The following CSGALNACT1 variants were observed in gnomAD, a reference collection of about 807,000 sequenced individuals.
CSGALNACT1 encodes the protein beta4GalNAcT-1.
Under a neutral mutation model 51.0 loss-of-function variants are expected in CSGALNACT1, and 52 were observed. That is an observed-to-expected ratio of 1.02 (90% CI 0.82 to 1.29). The LOEUF (loss-of-function observed/expected upper bound fraction) is 1.29. CSGALNACT1 is among the 50% of genes most tolerant of loss of function. CSGALNACT1 has a pLI of 0.00. For synonymous variants in CSGALNACT1, 341 were observed against 254.4 expected (o/e 1.34, Z -3.24); for missense variants, 935 against 679.2 (o/e 1.38, Z -4.19).
At chr8:19,691,468 T>C (rs1165722803) in intron 1 of CSGALNACT1, among the ~76,000 whole-genome samples, 1 of 152,152 alleles carries the variant, frequency 6.6e-6, no homozygotes, top group Non-Finnish European at 1.5e-5. Flanking sequence ...TGCCTTCTCA[T>C]TAGAAAAGAA....
intron 4 of CSGALNACT1, among the ~76,000 whole-genome samples, chr8:19,476,969 T>C (rs2069849855): frequency 6.6e-6 from 1 of 152,204 alleles, no homozygotes; most frequent in South Asian, 2.1e-4. Flanking sequence ...GTGTCCTTTC[T>C]GAATTCCTGA....
intron 3 of CSGALNACT1, among the ~76,000 whole-genome samples, chr8:19,544,967 AC>A (rs1030238047): frequency 7.2e-5 from 11 of 152,078 alleles, no homozygotes; most frequent in Non-Finnish European, 1.6e-4. Context: ...AAAAATGGGA[AC>A]CAGGGGAGAA....
At chr8:19,432,534 C>T (rs1460692536) in intron 6 of CSGALNACT1, among the ~76,000 whole-genome samples, 1 of 152,102 alleles carries the variant, frequency 6.6e-6, no homozygotes, top group Non-Finnish European at 1.5e-5. Context: ...TTCTCTATCC[C>T]CTTCTTGACT....
exon 5 of CSGALNACT1, chr8:19,458,615 C>T (rs979272047): frequency 1.2e-5 from 19 of 1,614,086 alleles, no homozygotes; most frequent in Non-Finnish European, 1.6e-5. Flanking sequence ...ATACAATGTC[C>T]CTTTGTCCCT....
intron 4 of CSGALNACT1, among the ~76,000 whole-genome samples, chr8:19,467,683 A>G (rs1177634252): frequency 6.6e-6 from 1 of 151,924 alleles, no homozygotes; most frequent in East Asian, 1.9e-4. Flanking sequence ...ATTGTATTCT[A>G]TATCAGAGAT....
intron 3 of CSGALNACT1, among the ~76,000 whole-genome samples, chr8:19,562,651 T>C (rs137880467): frequency 6.6e-6 from 1 of 152,278 alleles, no homozygotes; most frequent in East Asian, 1.9e-4. Context: ...CAGACACTTT[T>C]CAAAGAAGAC....
intron 5 of CSGALNACT1, among the ~76,000 whole-genome samples, chr8:19,444,113 T>C (rs1488182227): frequency 2.0e-5 from 3 of 152,208 alleles, no homozygotes; most frequent in African/African-American, 7.2e-5. Flanking sequence ...GCCTAGTTCC[T>C]AACAGGCCAC....
rs60746708 is a variant in CSGALNACT1, at chr8:19,407,905, T to TTGTGTGTG, written c.1309+700_1309+707dup. Among the ~76,000 whole-genome samples the TTGTGTGTG allele has an allele frequency of 1.1e-3, 128 of 112,786 alleles. 1 individual carries two copies. Among genetic ancestry groups the TTGTGTGTG allele is most frequent in the African/African-American group, 3.9e-3 (123 of 31,762 alleles). 74.0% of individuals were successfully genotyped at this position (112,786 alleles called of 152,430 possible). On this transcript the variant is annotated intron_variant, in intron 9 of 9. Coordinates refer to ENST00000454498, the Ensembl canonical transcript of CSGALNACT1. ...GCATGTGGACATTTGTGTATATGAA[T>TTGTGTGTG]TGTGTGTGTGTGTGTGTGTGTGTGT...
At chr8:19,473,220 C>G (rs979025373) in intron 4 of CSGALNACT1, among the ~76,000 whole-genome samples, 1 of 152,134 alleles carries the variant, frequency 6.6e-6, no homozygotes, top group African/African-American at 2.4e-5. Context: ...ATATTCGGGT[C>G]AAGGCAATGT....
chr8:19,692,716 G>A (rs890258656), intron 1 of CSGALNACT1, among the ~76,000 whole-genome samples: 4 of 152,114 alleles, frequency 2.6e-5, no homozygotes, highest in Admixed American at 1.3e-4. Context: ...CTTCCAGAAC[G>A]TTTCAACAAT....
intron 3 of CSGALNACT1, among the ~76,000 whole-genome samples, chr8:19,561,151 A>G (rs2154097205): frequency 6.6e-6 from 1 of 152,276 alleles, no homozygotes; most frequent in African/African-American, 2.4e-5. Flanking sequence ...AAATGAGAAG[A>G]CTAGGTGTCT....
chr8:19,598,308 T>G (rs2049419787), intron 2 of CSGALNACT1, among the ~76,000 whole-genome samples: 2 of 152,236 alleles, frequency 1.3e-5, no homozygotes, highest in Admixed American at 1.3e-4. Flanking sequence ...TAGCCTCATC[T>G]GCAGAAAACC....
At chr8:19,585,809 A>G (rs957175226) in intron 3 of CSGALNACT1, among the ~76,000 whole-genome samples, 15 of 152,236 alleles carry the variant, frequency 9.9e-5, no homozygotes, top group East Asian at 3.9e-4. Flanking sequence ...GTATTTTCCA[A>G]CCAGAGTTCC....
intron 3 of CSGALNACT1, among the ~76,000 whole-genome samples, chr8:19,558,000 C>A (rs1219314046): frequency 6.6e-6 from 1 of 152,160 alleles, no homozygotes. Flanking sequence ...CAAATACAGT[C>A]CCAACTCTAA....
At chr8:19,506,165 C>G (rs893623468) in intron 3 of CSGALNACT1, 35 bp from the exon 3 acceptor site, 6 of 534,860 alleles carry the variant, frequency 1.1e-5, no homozygotes, top group Non-Finnish European at 2.1e-5. Flanking sequence ...AACACTTAAT[C>G]AAGACAACGA....
At chr8:19,464,390 A>C (rs1490659655) in intron 4 of CSGALNACT1, among the ~76,000 whole-genome samples, 1 of 152,188 alleles carries the variant, frequency 6.6e-6, no homozygotes, top group East Asian at 1.9e-4. Context: ...CACAGAATAA[A>C]GTATCGATAC....
intron 1 of CSGALNACT1, among the ~76,000 whole-genome samples, chr8:19,635,004 G>A (rs981461570): frequency 6.6e-6 from 1 of 152,196 alleles, no homozygotes; most frequent in Non-Finnish European, 1.5e-5. Flanking sequence ...TGGAAAGACA[G>A]GTCATGTTAA....
At chr8:19,509,483 G>A (rs567441037) in intron 3 of CSGALNACT1, among the ~76,000 whole-genome samples, 12 of 151,810 alleles carry the variant, frequency 7.9e-5, no homozygotes, top group African/African-American at 2.7e-4. Context: ...GTCAGGTATC[G>A]TGGTGCGTGC....
intron 2 of CSGALNACT1, among the ~76,000 whole-genome samples, chr8:19,598,950 T>C (rs957515768): frequency 3.3e-5 from 5 of 151,996 alleles, no homozygotes; most frequent in Admixed American, 6.6e-5. Flanking sequence ...CAAGCTAGAG[T>C]ACAGGAACAC....
Sources: gnomAD v4.1 joint callset for allele counts (sites outside exome capture counted in the v4.1 genomes callset) on GRCh38, gnomAD v4.1.1 for gene constraint, MANE v1.5 for transcripts, NCBI Gene and HGNC (gene_info 2026-07-23, HGNC 2026-07-21) for gene names.